Variants in SEMA3E observed in about 807,000 individuals in gnomAD.
The protein encoded by SEMA3E is semaphorin 3E.
SEMA3E carries 49 observed loss-of-function variants against 93.6 expected under a neutral mutation model. The observed-to-expected ratio is 0.52, with a 90% CI of 0.42 to 0.66. The LOEUF is 0.66. Among genes scored for constraint, SEMA3E ranks in the 30% least tolerant of loss-of-function variants. SEMA3E has a pLI of 0.00. For missense variants in SEMA3E, 906 were observed against 964.8 expected, an observed-to-expected ratio of 0.94 and a Z score of 0.81; for synonymous variants, 363 against 330.7, an observed-to-expected ratio of 1.10 and a Z score of -1.06.
chr7:83,507,637 A>G (rs1356661084), intron 1 of SEMA3E, among the ~76,000 whole-genome samples: 1 of 151,932 alleles, frequency 6.6e-6, no homozygotes, highest in Non-Finnish European at 1.5e-5. Context: ...AAGAAACATG[A>G]CAATTAAAAC....
chr7:83,448,739 C>T (rs1789289748), intron 4 of SEMA3E, among the ~76,000 whole-genome samples: 1 of 152,168 alleles, frequency 6.6e-6, no homozygotes, highest in Non-Finnish European at 1.5e-5. Flanking sequence ...TGCTACAAAA[C>T]ATCCACCATT....
intron 1 of SEMA3E, among the ~76,000 whole-genome samples, chr7:83,615,494 C>T (rs1793345614): frequency 6.6e-6 from 1 of 152,032 alleles, no homozygotes; most frequent in African/African-American, 2.4e-5. Context: ...TGTGATCAAC[C>T]ATAGGTGAGT....
intron 1 of SEMA3E, among the ~76,000 whole-genome samples, chr7:83,505,981 C>G (rs1215264807): frequency 7.1e-6 from 1 of 140,968 alleles, no homozygotes; most frequent in Non-Finnish European, 1.5e-5. Flanking sequence ...CACCACTGCA[C>G]TCCAGCCTGG....
chr7:83,486,036 GGTGT>G (rs144076827), intron 2 of SEMA3E, among the ~76,000 whole-genome samples: 4 of 151,398 alleles, frequency 2.6e-5, no homozygotes, highest in South Asian at 2.1e-4. Flanking sequence ...CATGGTTAAT[GGTGT>G]GTGTGTGTGT....
chr7:83,627,762 CTT>C (rs1171820463), intron 1 of SEMA3E, among the ~76,000 whole-genome samples: 1 of 149,456 alleles, frequency 6.7e-6, no homozygotes, highest in Non-Finnish European at 1.5e-5. Flanking sequence ...GGTCTTGACT[CTT>C]TATTCAATTT....
chr7:83,626,847 C>T (rs1793680483), intron 1 of SEMA3E, among the ~76,000 whole-genome samples: 1 of 152,140 alleles, frequency 6.6e-6, no homozygotes, highest in South Asian at 2.1e-4. Flanking sequence ...GGATTTAGTG[C>T]CATAAATTTC....
intron 1 of SEMA3E, among the ~76,000 whole-genome samples, chr7:83,504,787 G>T (rs987132249): frequency 6.6e-6 from 1 of 151,910 alleles, no homozygotes; most frequent in African/African-American, 2.4e-5. Context: ...AGCTATGAAG[G>T]GAGGGCAACT....
intron 1 of SEMA3E, among the ~76,000 whole-genome samples, chr7:83,492,154 G>A (rs1021485330): frequency 6.6e-6 from 1 of 151,988 alleles, no homozygotes; most frequent in Non-Finnish European, 1.5e-5. Context: ...AGCTTGAATA[G>A]GTTCCTAGAC....
intron 1 of SEMA3E, among the ~76,000 whole-genome samples, chr7:83,567,923 T>C (rs1393856728): frequency 2.0e-5 from 3 of 150,900 alleles, no homozygotes; most frequent in Non-Finnish European, 4.4e-5. Context: ...CTAAACAAAA[T>C]AGAGAGTAAA....
chr7:83,472,410 A>G (rs987896552), intron 2 of SEMA3E, among the ~76,000 whole-genome samples: 2 of 125,272 alleles, frequency 1.6e-5, no homozygotes. Flanking sequence ...ACAAAGGAAT[A>G]TGATCCATTT....
chr7:83,384,435 G>C (rs909878078), intron 16 of SEMA3E, among the ~76,000 whole-genome samples: 4 of 151,738 alleles, frequency 2.6e-5, no homozygotes, highest in African/African-American at 9.7e-5. Flanking sequence ...CTTTACCAAG[G>C]ATAATTTTTT....
intron 5 of SEMA3E, among the ~76,000 whole-genome samples, chr7:83,409,636 A>G (rs1352471554): frequency 3.9e-5 from 6 of 152,064 alleles, no homozygotes; most frequent in Non-Finnish European, 5.9e-5. Context: ...AATTAATTGT[A>G]TTTCCAACTT....
At chr7:83,572,099 CTA>C (rs544259495) in intron 1 of SEMA3E, among the ~76,000 whole-genome samples, 12 of 152,226 alleles carry the variant, frequency 7.9e-5, no homozygotes, top group Admixed American at 2.6e-4. Context: ...GAAAAATATT[CTA>C]TGTTCATAGA....
At chr7:83,435,785 C>T (rs774729829) in intron 4 of SEMA3E, among the ~76,000 whole-genome samples, 4 of 152,104 alleles carry the variant, frequency 2.6e-5, no homozygotes, top group Non-Finnish European at 5.9e-5. Flanking sequence ...TATCATTGGT[C>T]TTTCGTGATG....
chr7:83,389,864 T>G (rs999356480), intron 14 of SEMA3E, among the ~76,000 whole-genome samples: 3 of 81,838 alleles, frequency 3.7e-5, no homozygotes, highest in African/African-American at 1.3e-4. Context: ...TACACGTATA[T>G]ATTACATGTA....
chr7:83,626,219 A>G lies in SEMA3E; in HGVS notation c.115+22209T>C, dbSNP rs1329899159. Among the ~76,000 whole-genome samples, 3 of 152,226 alleles carry G rather than the reference A, an allele frequency of 2.0e-5. No homozygotes were observed. In the East Asian group the frequency reaches 5.8e-4, roughly 29 times the overall value. ...TTGCTATCAGAATGATGTTGGCCTC[A>G]TAAAAAGAGTTAGGGAGGAGTCCCT... On this transcript the variant is annotated intron_variant, in intron 1 of 16. Transcript: ENST00000643230.
At chr7:83,585,355 G>A (rs971563195) in intron 1 of SEMA3E, among the ~76,000 whole-genome samples, 8 of 152,108 alleles carry the variant, frequency 5.3e-5, no homozygotes, top group African/African-American at 1.9e-4. Context: ...CAGTATGTAC[G>A]TTCCATGAAG....
chr7:83,464,090 T>C (rs1789697023), intron 4 of SEMA3E, among the ~76,000 whole-genome samples: 1 of 152,064 alleles, frequency 6.6e-6, no homozygotes, highest in Admixed American at 6.6e-5. Context: ...ATTAGTCAAA[T>C]CAGCCAAGCA....
chr7:83,465,583 A>G (rs1321958485), intron 4 of SEMA3E, among the ~76,000 whole-genome samples: 1 of 152,180 alleles, frequency 6.6e-6, no homozygotes, highest in Non-Finnish European at 1.5e-5. Context: ...TAAAATATTA[A>G]TATTTTATGG....
Sources: allele counts gnomAD v4.1 joint callset (sites outside exome capture counted in the v4.1 genomes callset), GRCh38; gene constraint gnomAD v4.1.1; transcripts MANE v1.5; gene names NCBI Gene and HGNC (gene_info 2026-07-23, HGNC 2026-07-21).